MSLN: variants seen among roughly 807,000 people sequenced by gnomAD.
MSLN encodes the protein CAK1 antigen.
Under a neutral mutation model 72.6 loss-of-function variants are expected in MSLN, and 82 were observed. The observed-to-expected ratio is 1.13, with a 90% CI of 0.94 to 1.36. The LOEUF (loss-of-function observed/expected upper bound fraction) is 1.36, where lower values mean the gene tolerates loss of function less well. Among genes scored for constraint, MSLN ranks in the 40% most tolerant of loss-of-function variants. The pLI, the probability that MSLN is intolerant of heterozygous loss-of-function variation, is 0.00. For synonymous variants in MSLN, 456 were observed against 387.3 expected (o/e 1.18, Z -2.08); for missense variants, 1,005 against 847.9 (o/e 1.19, Z -2.30).
chr16:764,883 G>A (rs1294537575), intron 7 of MSLN, 24 bp from the exon 8 acceptor site: 1 of 1,608,588 alleles, frequency 6.2e-7, no homozygotes, highest in South Asian at 1.1e-5. Flanking sequence ...AGTGCGGCCT[G>A]TCCCCAGCAC....
intron 3 of MSLN, among the ~76,000 whole-genome samples, chr16:762,994 C>A (rs2041555336): frequency 6.6e-6 from 1 of 152,202 alleles, no homozygotes; most frequent in Non-Finnish European, 1.5e-5. Flanking sequence ...GTCTGACCGG[C>A]CAAGCAGCCG....
At chr16:767,061 A>T in intron 15 of MSLN, 49 bp downstream of exon 15, 1 of 1,609,892 alleles carries the variant, frequency 6.2e-7, no homozygotes, top group Non-Finnish European at 8.5e-7. Flanking sequence ...CGGGGGAAGC[A>T]CAGACTCCAC....
rs2041679136 is a variant in MSLN, at chr16:768,782, G to C, written c.*49G>C. On this transcript the variant is annotated 3_prime_UTR_variant, in exon 18 of 18. Coordinates refer to ENST00000545450, the MANE Select transcript of MSLN (RefSeq NM_005823.6). Reference sequence around the variant, plus strand: ...CAGCCCTGCTGGGGATCCCCGCCTGGCCAGGAGCAGGCACGGGTGGTCCCC... The same window carrying C: ...CAGCCCTGCTGGGGATCCCCGCCTGCCCAGGAGCAGGCACGGGTGGTCCCC... The C allele has an allele frequency of 6.3e-7, 1 of 1,582,046 alleles. No homozygotes were observed. Among genetic ancestry groups the C allele is most frequent in the East Asian group, 2.2e-5 (1 of 44,688 alleles).
In MSLN at chr16:766,193, T is replaced by G. The variant is rs2041605747; in HGVS notation, c.1030T>G (p.Phe344Val). Residue 344 changes from phenylalanine to valine, a missense_variant, in exon 12 of 18, where the codon TTC becomes GTC. Coordinates refer to ENST00000545450, the MANE Select transcript of MSLN (RefSeq NM_005823.6). ...TQMDRVNAIP[F>V]TYEQLDVLKH... is the part of the protein sequence containing the mutation. ...GATGGACCGCGTGAACGCCATCCCC[T>G]TCACCTACGAGCAGCTGGACGTCCT... The G allele has an allele frequency of 1.9e-6, 3 of 1,612,260 alleles. No individual in the cohort carries two copies. The highest frequency in any genetic ancestry group is 2.5e-6 in the Non-Finnish European group (3 of 1,179,526).
rs780071696 is a variant in MSLN at position 764,041 on chromosome 16, C to T, written c.198C>T (p.Leu66=). 1 of 1,603,272 alleles carries T rather than the reference C, an allele frequency of 6.2e-7. No homozygotes were observed. The highest frequency in any genetic ancestry group is 2.2e-5 in the East Asian group (1 of 44,848). The change falls in exon 6 of 18, where the codon CTC becomes CTT. Residue 66 remains leucine (L), a synonymous_variant. Transcript: ENST00000545450. ...CCTGCAGCCTCTCCCCTCGCCAACTCCTTGGCTTCCCGTGTGCGGAGGTGT... is the reference window on the plus strand; with the variant it reads ...CCTGCAGCCTCTCCCCTCGCCAACTTCTTGGCTTCCCGTGTGCGGAGGTGT... ...PNISSLSPRQ[L]LGFPCAEVSG...
chr16:763,274 C>T lies in MSLN; in HGVS notation c.127C>T (p.Gln43Ter), dbSNP rs758291303. ...PSRTLAGETGQEAAPLDGVLA... is the reference protein window; with the variant it reads ...PSRTLAGETG ...GAGGACCCTGGCTGGAGAGACAGGG[C>T]AGGTAAGGTCCCCTCTGGGGAAACA... The change falls in exon 4 of 18, where the codon CAG becomes TAG. Residue 43 changes from glutamine (Q) to a stop codon, truncating the protein, a stop_gained and splice_region_variant. Transcript: ENST00000545450. LOFTEE classifies it high-confidence loss of function. 3.9e-6 allele frequency: 6 copies of T among 1,542,566 alleles called. No individual in the cohort carries two copies. In the Admixed American group the frequency reaches 1.2e-4, roughly 32 times the overall value.
chr16:760,917 C>T (rs765243150), intron 1 of MSLN, 96 bp downstream of exon 1: 2 of 152,452 alleles, frequency 1.3e-5, no homozygotes, highest in East Asian at 1.9e-4. Flanking sequence ...GGGGGCTGCC[C>T]GGGCGTTAGG....
At chr16:763,873 C>A in intron 5 of MSLN, 150 bp from the exon 6 acceptor site, 1 of 1,144,794 alleles carries the variant, frequency 8.7e-7, no homozygotes, top group Non-Finnish European at 1.2e-6. Context: ...CAACTCCCGG[C>A]CCTTGAGGGC....
At position 764,584 on chromosome 16, in the gene MSLN, A is replaced by G. The variant is rs1857412372; in HGVS notation, c.301-63A>G. The G allele has an allele frequency of 2.2e-6, 3 of 1,382,504 alleles. No homozygotes were observed. The South Asian group carries it at 3.5e-5, about 16-fold the overall frequency. The allele number at this position is 1,382,504 out of a possible 1,614,324, so 85.6% of individuals were successfully genotyped here. A position where few individuals can be genotyped will look rare whatever the true frequency, so the allele number is the denominator to read the frequency against. On this transcript the variant is annotated intron_variant, in intron 6 of 17. Coordinates refer to ENST00000545450, the MANE Select transcript of MSLN (RefSeq NM_005823.6). ...TTGTGGTGGGCAGACTGGCCAGGCGACCCTGGCCCACCATGTGAGTGGCGG... is the reference window on the plus strand; with the variant it reads ...TTGTGGTGGGCAGACTGGCCAGGCGGCCCTGGCCCACCATGTGAGTGGCGG...
Position 767,109 on chromosome 16 carries a change from C to T in MSLN, c.1501+97C>T, listed in dbSNP as rs568622377. On this transcript the variant is annotated intron_variant, in intron 15 of 17. Transcript: ENST00000545450. ...GGCCTTTGCCTCGCCGGGCCGTCTG[C>T]TGCCAGGGTAACTGGGTGGTCACCC... The T allele has an allele frequency of 1.8e-5, 28 of 1,566,074 alleles. No individual in the cohort carries two copies. The Admixed American group carries it at 4.4e-4, about 25-fold the overall frequency.
At chr16:764,262 G>T in intron 6 of MSLN, 119 bp downstream of exon 6, 1 of 1,379,602 alleles carries the variant, frequency 7.2e-7, no homozygotes, top group Non-Finnish European at 9.7e-7. Flanking sequence ...ATCTCTCCCC[G>T]GCCAGTTCTT....
At chr16:762,460 A>C (rs995169312) in intron 2 of MSLN, 11 of 550,820 alleles carry the variant, frequency 2.0e-5, no homozygotes, top group African/African-American at 1.8e-4. Context: ...CCGGGATCTC[A>C]GACCCAGCCC....
chr16:763,160 C>T, intron 3 of MSLN, 73 bp from the exon 4 acceptor site: 6 of 1,037,630 alleles, frequency 5.8e-6, no homozygotes, highest in Non-Finnish European at 8.6e-6. Flanking sequence ...GGCTCTGCCT[C>T]CTTCCTCCCC....
At chr16:765,860 GGTCTCAC>G (rs2041600792) in intron 11 of MSLN, 70 bp downstream of exon 11, 2 of 1,455,034 alleles carry the variant, frequency 1.4e-6, no homozygotes, top group African/African-American at 2.8e-5. Flanking sequence ...ATCACTTTAG[GGTCTCAC>G]CTGCCCCTCC....
rs369613794 is a variant in MSLN, at chr16:764,682, C to T, written c.336C>T (p.Pro112=). 357 of 1,612,504 alleles carry T rather than the reference C, an allele frequency of 2.2e-4. No homozygotes were observed. The highest frequency in any genetic ancestry group is 2.9e-4 in the Non-Finnish European group (343 of 1,179,828). The stretch of plus-strand genomic sequence containing the variant: ...TGGCTCACCGGCTCTCTGAGCCCCC[C>T]GAGGACCTGGACGCCCTCCCATTGG... ...RCLAHRLSEP[P]EDLDALPLDL... is the part of the protein sequence containing the mutation. Residue 112 remains proline (P), a synonymous_variant, in exon 7 of 18, where the codon CCC becomes CCT. Coordinates refer to ENST00000545450, the MANE Select transcript of MSLN (RefSeq NM_005823.6).
chr16:765,946 C>G (rs1319571204), intron 11 of MSLN, 113 bp from the exon 12 acceptor site: 4 of 1,357,444 alleles, frequency 2.9e-6, no homozygotes, highest in Non-Finnish European at 2.0e-6. Flanking sequence ...AGTGGGTAAA[C>G]TGAGGCACAG....
Position 764,653 on chromosome 16 carries a change from T to C in MSLN, c.307T>C (p.Cys103Arg). ...NVKLSTEQLR[C>R]LAHRLSEPPE... is the part of the protein sequence containing the mutation. ...GGACTCCCTGCCCCTGCAGCTGCGC[T>C]GTCTGGCTCACCGGCTCTCTGAGCC... Residue 103 changes from cysteine (C) to arginine (R), a missense_variant, in exon 7 of 18, where the codon TGT becomes CGT. Physicochemically the swap from Cys to Arg is radical, Grantham distance 180. Coordinates refer to ENST00000545450, the MANE Select transcript of MSLN (RefSeq NM_005823.6). The C allele has an allele frequency of 6.2e-7, 1 of 1,612,362 alleles. No individual in the cohort carries two copies. The highest frequency in any genetic ancestry group is 8.5e-7 in the Non-Finnish European group (1 of 1,179,702).
chr16:768,588 G>GGCTGGGGGAAGA (rs1567361552), intron 17 of MSLN, 23 bp downstream of exon 17: 15 of 1,610,090 alleles, frequency 9.3e-6, no homozygotes, highest in Non-Finnish European at 1.3e-5. Flanking sequence ...GCCAGGCCAG[G>GGCTGGGGGAAGA]GCTGGGGGCA....
Position 765,154 on chromosome 16 carries a change from G to C in MSLN, c.555G>C (p.Leu185=), listed in dbSNP as rs1396979235. The change falls in exon 9 of 18, where the codon CTG becomes CTC. Residue 185 remains leucine, a synonymous_variant. Coordinates refer to ENST00000545450, the MANE Select transcript of MSLN (RefSeq NM_005823.6). ...TGAGCGAGGCTGATGTGCGGGCTCTGGGAGGCCTGGCTTGCGACCTGCCTG... is the reference window on the plus strand; with the variant it reads ...TGAGCGAGGCTGATGTGCGGGCTCTCGGAGGCCTGGCTTGCGACCTGCCTG... ...SLLSEADVRA[L]GGLACDLPGR... The C allele has an allele frequency of 6.2e-7, 1 of 1,603,192 alleles. No homozygotes were observed. The highest frequency in any genetic ancestry group is 1.3e-5 in the African/African-American group (1 of 74,910).
Sources: gnomAD v4.1 joint callset for allele counts (sites outside exome capture counted in the v4.1 genomes callset) on GRCh38, gnomAD v4.1.1 for gene constraint, MANE v1.5 for transcripts, NCBI Gene and HGNC (gene_info 2026-07-23, HGNC 2026-07-21) for gene names.